FBXO15: variants seen among roughly 807,000 people sequenced by gnomAD.
FBXO15 encodes the protein F-box protein 15.
In FBXO15, 30 loss-of-function variants were observed where a neutral mutation model predicts 49.5. That is an observed-to-expected ratio of 0.61 (90% confidence interval 0.45 to 0.82). The LOEUF (loss-of-function observed/expected upper bound fraction) is 0.82. Among genes scored for constraint, FBXO15 ranks in the 40% least tolerant of loss-of-function variants. The probability of loss-of-function intolerance (pLI) is 0.00; values close to 1 mark genes in which losing one functional copy is unlikely to be tolerated. For missense variants in FBXO15, 591 were observed against 631.5 expected (o/e 0.94, Z 0.69); for synonymous variants, 250 against 232.7 (o/e 1.07, Z -0.68).
rs1305721353 is a variant in FBXO15, at chr18:74,123,475, T to C, written c.1031A>G (p.Asp344Gly). Residue 344 changes from aspartate to glycine, a missense_variant, in exon 8 of 10, where the codon GAT becomes GGT. Transcript: ENST00000419743. ...YELPPHSPFL[D>G]DSPEYGLHGY... ...GTGCAGTCCATACTCGGGGCTATCA[T>C]CCAAAAAGGGGCTATGTGGAGGCAG... 4 of 1,612,404 alleles carry C rather than the reference T, an allele frequency of 2.5e-6. No individual in the cohort carries two copies. In the East Asian group the frequency reaches 8.9e-5, roughly 36 times the overall value.
chr18:74,140,253 C>T lies in FBXO15; in HGVS notation c.176G>A (p.Gly59Asp), dbSNP rs1191384801. 1.3e-6 allele frequency: 2 copies of T among 1,551,466 alleles called. No homozygotes were observed. The highest frequency in any genetic ancestry group is 1.7e-6 in the Non-Finnish European group (2 of 1,146,980). Residue 59 changes from glycine (G) to aspartate (D), a missense_variant, in exon 2 of 10, where the codon GGT becomes GAT. Transcript: ENST00000419743. ...GAAAGAGCTCTCCCAGTGCTGTCCA[C>T]CTCCGGCATGGCACCTCAGGGCAGC... Reference protein sequence around the residue: ...GSAALRCHAGGGQHWESSFSC... With the variant: ...GSAALRCHAGDGQHWESSFSC...
At chr18:74,082,561 C>T (rs1047035891) in intron 8 of FBXO15, among the ~76,000 whole-genome samples, 4 of 152,222 alleles carry the variant, frequency 2.6e-5, no homozygotes, top group Non-Finnish European at 5.9e-5. Flanking sequence ...CACATGCCCA[C>T]CTAGCTGGAG....
At chr18:74,116,507 AC>A (rs888440623) in intron 8 of FBXO15, among the ~76,000 whole-genome samples, 72 of 136,192 alleles carry the variant, frequency 5.3e-4, no homozygotes, top group African/African-American at 1.6e-3. Context: ...ATACAGAATG[AC>A]CAAATTCTGG....
At chr18:74,095,642 G>A (rs1913241244) in intron 8 of FBXO15, among the ~76,000 whole-genome samples, 1 of 152,098 alleles carries the variant, frequency 6.6e-6, no homozygotes, top group South Asian at 2.1e-4. Flanking sequence ...CACCGGAACA[G>A]ATATAATAAT....
In FBXO15 at chr18:74,130,616, T is replaced by C; in HGVS notation, c.375A>G (p.Ala125=). The C allele has an allele frequency of 1.9e-6, 3 of 1,614,064 alleles. No homozygotes were observed. Among genetic ancestry groups the C allele is most frequent in the South Asian group, 1.1e-5 (1 of 91,062 alleles). The change falls in exon 4 of 10, where the codon GCA becomes GCG. Residue 125 remains alanine, a synonymous_variant. Coordinates refer to ENST00000419743, the MANE Select transcript of FBXO15 (RefSeq NM_001142958.2). ...CTGAATTAAATTTCCAATTTGATCT[T>C]GCAGGTGAAAAAGCAGTTGAGTAGA... ...IGIYSTAFSP[A]RSNWKFNSVE... is the part of the protein sequence containing the mutation.
intron 3 of FBXO15, among the ~76,000 whole-genome samples, chr18:74,135,239 G>A (rs1030796110): frequency 2.0e-5 from 3 of 152,180 alleles, no homozygotes; most frequent in African/African-American, 7.2e-5. Context: ...CTCTAGGAGA[G>A]GACAGTCTTG....
At chr18:74,135,555 T>G (rs1332619516) in intron 3 of FBXO15, among the ~76,000 whole-genome samples, 2 of 152,222 alleles carry the variant, frequency 1.3e-5, no homozygotes, top group Non-Finnish European at 2.9e-5. Context: ...AAGTTTGATT[T>G]TTTTGTTCCA....
chr18:74,082,087 C>G, intron 8 of FBXO15, 36 bp from the exon 9 acceptor site: 1 of 1,601,302 alleles, frequency 6.2e-7, no homozygotes, highest in Non-Finnish European at 8.5e-7. Context: ...TCACTGTCTT[C>G]CAGTGCAAGA....
chr18:74,105,233 A>G (rs552353110), intron 8 of FBXO15, among the ~76,000 whole-genome samples: 1 of 152,326 alleles, frequency 6.6e-6, no homozygotes, highest in South Asian at 2.1e-4. Context: ...CTAGTGTTAG[A>G]CCAGTAGAGT....
At chr18:74,141,453 C>A (rs563251100) in intron 1 of FBXO15, among the ~76,000 whole-genome samples, 1 of 152,200 alleles carries the variant, frequency 6.6e-6, no homozygotes, top group African/African-American at 2.4e-5. Context: ...ATTATGTATA[C>A]GCTCAGTTCA....
rs76037210 is a variant in FBXO15 at position 74,124,620 on chromosome 18, T to C, written c.913-49A>G. The C allele has an allele frequency of 1.3e-5, 20 of 1,499,962 alleles. No individual in the cohort carries two copies. In the African/African-American group the frequency reaches 2.8e-4, roughly 21 times the overall value. 92.9% of individuals were successfully genotyped at this position (1,499,962 alleles called of 1,614,324 possible). On this transcript the variant is annotated intron_variant, in intron 6 of 9. Coordinates refer to ENST00000419743, the MANE Select transcript of FBXO15 (RefSeq NM_001142958.2). ...ACATATTTCAACCAAAATGCTTACA[T>C]TTTTCACAAGATCATTGTGAAGATC...
At chr18:74,086,930 T>C (rs770021114) in intron 8 of FBXO15, among the ~76,000 whole-genome samples, 2 of 152,200 alleles carry the variant, frequency 1.3e-5, no homozygotes, top group Non-Finnish European at 2.9e-5. Context: ...ATCTCAGACG[T>C]ACCGCAGATT....
intron 1 of FBXO15, 106 bp from the exon 2 acceptor site, chr18:74,140,418 C>T: frequency 2.1e-6 from 2 of 952,154 alleles, no homozygotes; most frequent in Non-Finnish European, 1.4e-6. Context: ...AAAGATTACT[C>T]ACTGAAAAAC....
intron 8 of FBXO15, chr18:74,099,033 G>C (rs1439754603): frequency 6.6e-6 from 1 of 152,284 alleles, no homozygotes; most frequent in Non-Finnish European, 1.5e-5. Flanking sequence ...GCTGAGGCAG[G>C]AGAATCACTT....
At position 74,130,514 on chromosome 18, in the gene FBXO15, G is replaced by A. The variant is rs1434105923; in HGVS notation, c.477C>T (p.Ile159=). The A allele has an allele frequency of 2.5e-6, 4 of 1,614,140 alleles. No homozygotes were observed. Among genetic ancestry groups the A allele is most frequent in the East Asian group, 2.2e-5 (1 of 44,874 alleles). Reference sequence around the variant, plus strand: ...CTTTTACAGATGCTATTTGTTTTGTGATATATTCTTTCTTCCAATAACCAG... The same window carrying A: ...CTTTTACAGATGCTATTTGTTTTGTAATATATTCTTTCTTCCAATAACCAG... ...KEAGYWKKEY[I]TKQIASVKAA... The change falls in exon 4 of 10, where the codon ATC becomes ATT. Residue 159 remains isoleucine, a synonymous_variant. Coordinates refer to ENST00000419743, the MANE Select transcript of FBXO15 (RefSeq NM_001142958.2).
At chr18:74,100,776 A>G (rs1480025808) in intron 8 of FBXO15, among the ~76,000 whole-genome samples, 3 of 152,216 alleles carry the variant, frequency 2.0e-5, no homozygotes, top group African/African-American at 7.2e-5. Context: ...GCTACTATGA[A>G]CACCTTTATG....
At chr18:74,120,128 A>G (rs1914411850) in intron 8 of FBXO15, among the ~76,000 whole-genome samples, 1 of 152,226 alleles carries the variant, frequency 6.6e-6, no homozygotes, top group East Asian at 1.9e-4. Context: ...AACAATGTAC[A>G]CAGTGTGTAC....
chr18:74,104,480 A>C (rs1471374862), intron 8 of FBXO15, among the ~76,000 whole-genome samples: 1 of 152,166 alleles, frequency 6.6e-6, no homozygotes, highest in African/African-American at 2.4e-5. Context: ...ATTAAAAGGC[A>C]GAGTGGCAGA....
intron 6 of FBXO15, among the ~76,000 whole-genome samples, 164 bp from the exon 7 acceptor site, chr18:74,124,735 A>G (rs1441719096): frequency 2.0e-5 from 3 of 152,226 alleles, no homozygotes; most frequent in African/African-American, 7.2e-5. Context: ...ATATGTTACT[A>G]CTATCTAATA....
Sources: allele counts gnomAD v4.1 joint callset (sites outside exome capture counted in the v4.1 genomes callset), GRCh38; gene constraint gnomAD v4.1.1; transcripts MANE v1.5; gene names NCBI Gene and HGNC (gene_info 2026-07-23, HGNC 2026-07-21).